The following ABCB1 variants were observed in gnomAD, a reference collection of about 807,000 sequenced individuals.
ABCB1 encodes ATP binding cassette subfamily B member 1, also known as ATP-dependent translocase ABCB1.
A neutral mutation model predicts 142.0 loss-of-function variants in ABCB1; 69 were observed. The ratio of observed to expected loss-of-function variants is 0.49; its 90% CI spans 0.40 to 0.59. ABCB1 has a LOEUF of 0.59. Among genes scored for constraint, ABCB1 ranks in the 20% least tolerant of loss-of-function variants. The probability of loss-of-function intolerance (pLI) is 0.00; values close to 1 mark genes in which losing one functional copy is unlikely to be tolerated. For synonymous variants in ABCB1, 532 were observed against 539.2 expected, an observed-to-expected ratio of 0.99 and a Z score of 0.18; for missense variants, 1,326 against 1,554.7, an observed-to-expected ratio of 0.85 and a Z score of 2.47.
chr7:87,681,266 T>G (rs1018593637), intron 1 of ABCB1, among the ~76,000 whole-genome samples: 1 of 150,642 alleles, frequency 6.6e-6, no homozygotes, highest in Non-Finnish European at 1.5e-5. Context: ...AAGGTAATAA[T>G]AGTAATCCTA....
chr7:87,515,378 G>A lies in ABCB1; in HGVS notation c.3135C>T (p.Pro1045=), dbSNP rs1815189836. The A allele has an allele frequency of 6.2e-7, 1 of 1,614,068 alleles. No homozygotes were observed. The highest frequency in any genetic ancestry group is 1.3e-5 in the African/African-American group (1 of 74,998). The stretch of plus-strand genomic sequence containing the variant: ...GAAGCACTGGGATGTCCGGTCGGGT[G>A]GGATAGTTGAATACAACTTCACCAA... The part of the protein sequence containing the change: ...VTFGEVVFNY[P]TRPDIPVLQG... The change falls in exon 25 of 28, where the codon CCC becomes CCT. Residue 1045 remains proline, a synonymous_variant. Coordinates refer to ENST00000622132, the MANE Select transcript of ABCB1 (RefSeq NM_001348946.2).
chr7:87,698,931 G>T (rs1227002729), intron 1 of ABCB1, among the ~76,000 whole-genome samples: 1 of 152,126 alleles, frequency 6.6e-6, no homozygotes, highest in Non-Finnish European at 1.5e-5. Flanking sequence ...ATTTCTGTTG[G>T]TTGATTAATA....
At chr7:87,605,521 C>A (rs368027706), upstream of ABCB1, among the ~76,000 whole-genome samples, 76 of 152,166 alleles carry the variant, frequency 5.0e-4, 2 homozygotes, top group South Asian at 0.015. Flanking sequence ...ATAAATCTAC[C>A]ATAATAGCAC....
At position 87,561,279 on chromosome 7, in the gene ABCB1, T is replaced by C; in HGVS notation, c.811A>G (p.Lys271Glu). The change falls in exon 8 of 28, where the codon AAG (lysine) becomes GAG (glutamate). Residue 271 changes from lysine (K) to glutamate (E), a missense_variant. Transcript: ENST00000622132. ...AACTCAAACCTTTCAAGTTCTTTCT[T>C]TTGTCCTCCAAATGCAATCACAGTT... The part of the protein sequence containing the change: ...IRTVIAFGGQ[K>E]KELERYNKNL... 6.2e-7 allele frequency: 1 copy of C among 1,613,970 alleles called. No individual in the cohort carries two copies. The highest frequency in any genetic ancestry group is 1.1e-5 in the South Asian group (1 of 91,070).
At chr7:87,547,819 C>A (rs1233244694) in intron 14 of ABCB1, among the ~76,000 whole-genome samples, 1 of 140,384 alleles carries the variant, frequency 7.1e-6, no homozygotes, top group Non-Finnish European at 1.5e-5. Flanking sequence ...CCACTGCACT[C>A]CAGCCTGGGC....
At chr7:87,549,553 G>C (rs750419152) in intron 13 of ABCB1, 35 bp from the exon 14 acceptor site, 38 of 1,614,038 alleles carry the variant, frequency 2.4e-5, no homozygotes, top group Non-Finnish European at 3.1e-5. Flanking sequence ...TTAGCATAAG[G>C]ACAAGCTATC....
chr7:87,606,527 T>C (rs997179729), intron 1 of ABCB1, among the ~76,000 whole-genome samples: 2 of 152,076 alleles, frequency 1.3e-5, no homozygotes, highest in African/African-American at 4.8e-5. Flanking sequence ...TAACCACATA[T>C]ATATGGATGA....
chr7:87,689,220 G>A (rs565232832), intron 1 of ABCB1, among the ~76,000 whole-genome samples: 40 of 152,092 alleles, frequency 2.6e-4, no homozygotes, highest in African/African-American at 9.1e-4. Flanking sequence ...TTAAAGAAAT[G>A]TTTTAGTCTA....
At chr7:87,532,159 A>C in intron 20 of ABCB1, among the ~76,000 whole-genome samples, 1 of 152,124 alleles carries the variant, frequency 6.6e-6, no homozygotes, top group Non-Finnish European at 1.5e-5. Flanking sequence ...CTGAAACCAA[A>C]AGTCAAGCTA....
chr7:87,708,341 T>C (rs142654190), intron 1 of ABCB1, among the ~76,000 whole-genome samples: 1 of 152,244 alleles, frequency 6.6e-6, no homozygotes, highest in East Asian at 1.9e-4. Flanking sequence ...TTAAAAATCC[T>C]AAAAGAGGAT....
intron 12 of ABCB1, 43 bp downstream of exon 12, chr7:87,550,128 A>G: frequency 6.2e-7 from 1 of 1,614,128 alleles, no homozygotes; most frequent in South Asian, 1.1e-5. Flanking sequence ...GTGCAATGTG[A>G]CTGCTGATCA....
chr7:87,607,764 T>C (rs1819707572), intron 1 of ABCB1, among the ~76,000 whole-genome samples: 1 of 152,098 alleles, frequency 6.6e-6, no homozygotes, highest in Admixed American at 6.6e-5. Context: ...CCAGGCTGGC[T>C]AAAACTTTTA....
intron 1 of ABCB1, among the ~76,000 whole-genome samples, chr7:87,703,106 T>A (rs759650043): frequency 3.3e-5 from 5 of 152,158 alleles, no homozygotes; most frequent in Non-Finnish European, 7.4e-5. Flanking sequence ...AAATTGATAT[T>A]TACAGTTTTA....
At position 87,561,352 on chromosome 7, in the gene ABCB1, C is replaced by T. The variant is rs28381867; in HGVS notation, c.738G>A (p.Ala246=). 2.8e-4 allele frequency: 448 copies of T among 1,613,572 alleles called. 1 individual carries two copies. The highest frequency in any genetic ancestry group is 6.3e-4 in the African/African-American group (47 of 74,962). Residue 246 remains alanine (A), a synonymous_variant, in exon 8 of 28, where the codon GCG becomes GCA. Transcript: ENST00000622132. Reference sequence around the variant, plus strand: ...CAGCTACTGCTCCAGCTTTTGCATACGCTAAGAGTTCTTTATCAGTAAATG... The same window carrying T: ...CAGCTACTGCTCCAGCTTTTGCATATGCTAAGAGTTCTTTATCAGTAAATG... ...LSSFTDKELL[A]YAKAGAVAEE...
chr7:87,601,231 A>G (rs1324609472), upstream of ABCB1, among the ~76,000 whole-genome samples: 1 of 152,208 alleles, frequency 6.6e-6, no homozygotes, highest in African/African-American at 2.4e-5. Flanking sequence ...CGCATTTAAT[A>G]CAGTTAATAC....
In ABCB1 at chr7:87,515,331, T is replaced by C. The variant is rs1369130405; in HGVS notation, c.3182A>G (p.Lys1061Arg). ...PVLQGLSLEVKKGQTLALVGS... is the reference protein window; with the variant it reads ...PVLQGLSLEVRKGQTLALVGS... ...CACCAGAGCCAGCGTCTGGCCCTTCTTCACCTCCAGGCTCAGTCCCTGAAG... is the reference window on the plus strand; with the variant it reads ...CACCAGAGCCAGCGTCTGGCCCTTCCTCACCTCCAGGCTCAGTCCCTGAAG... The change falls in exon 25 of 28, where the codon AAG (lysine) becomes AGG (arginine). Residue 1061 changes from lysine (K) to arginine (R), a missense_variant. Coordinates refer to ENST00000622132, the MANE Select transcript of ABCB1 (RefSeq NM_001348946.2). 12 of 1,614,078 alleles carry C rather than the reference T, an allele frequency of 7.4e-6. No individual in the cohort carries two copies. Among genetic ancestry groups the C allele is most frequent in the Non-Finnish European group, 1.0e-5 (12 of 1,180,022 alleles).
At chr7:87,600,053 G>T (rs1183103410) in intron 2 of ABCB1, 64 bp downstream of exon 2, 3 of 1,399,700 alleles carry the variant, frequency 2.1e-6, no homozygotes, top group African/African-American at 2.8e-5. Flanking sequence ...AGAGCTGGAG[G>T]CTAGAAATAA....
intron 9 of ABCB1, among the ~76,000 whole-genome samples, chr7:87,552,961 A>T (rs1308323133): frequency 6.6e-6 from 1 of 152,182 alleles, no homozygotes; most frequent in Non-Finnish European, 1.5e-5. Flanking sequence ...AAATGGCAAG[A>T]CTTCTGTGCT....
At chr7:87,623,488 C>G (rs1481455907) in intron 1 of ABCB1, among the ~76,000 whole-genome samples, 6 of 152,226 alleles carry the variant, frequency 3.9e-5, no homozygotes, top group Non-Finnish European at 8.8e-5. Flanking sequence ...CCTCACTATC[C>G]ATACCCTATT....
Sources: allele counts gnomAD v4.1 joint callset (sites outside exome capture counted in the v4.1 genomes callset), GRCh38; gene constraint gnomAD v4.1.1; transcripts MANE v1.5; gene names NCBI Gene and HGNC (gene_info 2026-07-23, HGNC 2026-07-21).